Variants in KDM3A observed in about 807,000 individuals in gnomAD.
The protein encoded by KDM3A is lysine-specific demethylase 3A.
A neutral mutation model predicts 158.0 loss-of-function variants in KDM3A; 60 were observed. The observed-to-expected ratio is 0.38, with a 90% CI of 0.31 to 0.47. KDM3A has a LOEUF of 0.47. Among genes scored for constraint, KDM3A ranks in the 20% least tolerant of loss-of-function variants. KDM3A has a pLI of 0.99. For synonymous variants in KDM3A, 608 were observed against 549.3 expected, an observed-to-expected ratio of 1.11 and a Z score of -1.49; for missense variants, 1,319 against 1,574.3, an observed-to-expected ratio of 0.84 and a Z score of 2.74.
chr2:86,441,975 C>T, intron 1 of KDM3A, 43 bp from the exon 2 acceptor site: 1 of 1,552,062 alleles, frequency 6.4e-7, no homozygotes, highest in South Asian at 1.1e-5. Context: ...CGGCCCCCTC[C>T]CACCGGCCGC....
chr2:86,448,211 G>T (rs1401030622), intron 2 of KDM3A, among the ~76,000 whole-genome samples: 1 of 152,180 alleles, frequency 6.6e-6, no homozygotes, highest in Admixed American at 6.5e-5. Flanking sequence ...GGGAGGTTAG[G>T]GATGCATGTT....
At chr2:86,456,759 T>C (rs1672717743) in intron 6 of KDM3A, 46 bp from the exon 7 acceptor site, 1 of 1,491,066 alleles carries the variant, frequency 6.7e-7, no homozygotes, top group African/African-American at 1.4e-5. Context: ...AGTATGTTCT[T>C]GAGCATTTTT....
At chr2:86,456,390 T>C (rs1431842789) in intron 5 of KDM3A, 52 bp from the exon 6 acceptor site, 1 of 1,275,322 alleles carries the variant, frequency 7.8e-7, no homozygotes, top group Admixed American at 3.2e-5. Context: ...ATGTTGCTAT[T>C]GGGAGATAAT....
intron 5 of KDM3A, among the ~76,000 whole-genome samples, chr2:86,455,762 G>A (rs1440109159): frequency 6.6e-6 from 1 of 151,540 alleles, no homozygotes; most frequent in African/African-American, 2.4e-5. Flanking sequence ...ACCAGCTTGG[G>A]CAACACAGGG....
rs750753974 is a variant in KDM3A at position 86,489,674 on chromosome 2, G to A, written c.3573+15G>A. 1 of 1,604,280 alleles carries A rather than the reference G, an allele frequency of 6.2e-7. No homozygotes were observed. ...TTCTTAAAAAGGTGTGCTGCTTATG[G>A]CATGTGTGAACAGAGGCATAAGGAA... On this transcript the variant is annotated intron_variant, in intron 23 of 25. Coordinates refer to ENST00000312912, the MANE Select transcript of KDM3A (RefSeq NM_018433.6).
intron 21 of KDM3A, chr2:86,487,982 T>G (rs1458146205): frequency 1.7e-5 from 2 of 121,010 alleles, no homozygotes; most frequent in Non-Finnish European, 4.1e-5. Flanking sequence ...TTACTTTTCT[T>G]GCCAGCTCCA....
chr2:86,466,726 A>G lies in KDM3A; in HGVS notation c.1362A>G (p.Glu454=). 6.2e-7 allele frequency: 1 copy of G among 1,613,936 alleles called. No individual in the cohort carries two copies. The highest frequency in any genetic ancestry group is 2.2e-5 in the East Asian group (1 of 44,878). Residue 454 remains glutamate, a synonymous_variant, in exon 10 of 26, where the codon GAA becomes GAG. Coordinates refer to ENST00000312912, the MANE Select transcript of KDM3A (RefSeq NM_018433.6). ...CATCGGATGTTTCAAATGCACCAGA[A>G]GTGAAAGCAGGTGTCAATAGTGATA... The part of the protein sequence containing the change: ...PSPSDVSNAP[E]VKAGVNSDSP...
At chr2:86,475,859 T>G (rs1335732937) in intron 12 of KDM3A, among the ~76,000 whole-genome samples, 1 of 152,206 alleles carries the variant, frequency 6.6e-6, no homozygotes, top group Non-Finnish European at 1.5e-5. Context: ...TTTTGATTTA[T>G]TACCAGCAAC....
Position 86,478,182 on chromosome 2 carries a change from A to G in KDM3A, c.2105A>G (p.Lys702Arg). 9 of 1,614,104 alleles carry G rather than the reference A, an allele frequency of 5.6e-6. No homozygotes were observed. Among genetic ancestry groups the G allele is most frequent in the Admixed American group, 1.7e-5 (1 of 60,026 alleles). Residue 702 changes from lysine to arginine, a missense_variant, in exon 14 of 26, where the codon AAG becomes AGG. By Grantham distance (26) the Lys-to-Arg change is conservative. This residue lies in a region of KDM3A where 368 missense variants were observed against 415.8 expected (regional missense o/e 0.89). Coordinates refer to ENST00000312912, the MANE Select transcript of KDM3A (RefSeq NM_018433.6). ...RKNCQQGAAYKTFSWLKCVKS... is the reference protein window; with the variant it reads ...RKNCQQGAAYRTFSWLKCVKS... The stretch of plus-strand genomic sequence containing the variant: ...CAGTTATTTGCAGGTGCTGCTTACA[A>G]GACTTTCTCTTGGCTAAAATGTGTG...
At position 86,492,167 on chromosome 2, in the gene KDM3A, C is replaced by T; in HGVS notation, c.*48C>T. 7.3e-7 allele frequency: 1 copy of T among 1,373,708 alleles called. No homozygotes were observed. The highest frequency in any genetic ancestry group is 1.8e-4 in the Middle Eastern group (1 of 5,602). The allele number at this position is 1,373,708 out of a possible 1,614,324, so 85.1% of individuals were successfully genotyped here. On this transcript the variant is annotated 3_prime_UTR_variant, in exon 26 of 26. Coordinates refer to ENST00000312912, the MANE Select transcript of KDM3A (RefSeq NM_018433.6). ...ATTACAGGCAGCTGTTCAAACTCTTCAGGCAGGATTCCTGTGGACTTTGAG... is the reference window on the plus strand; with the variant it reads ...ATTACAGGCAGCTGTTCAAACTCTTTAGGCAGGATTCCTGTGGACTTTGAG...
At chr2:86,439,827 CT>C (rs1480253798), upstream of KDM3A, among the ~76,000 whole-genome samples, 4 of 152,148 alleles carry the variant, frequency 2.6e-5, no homozygotes, top group African/African-American at 9.6e-5. Flanking sequence ...TCTTTTGATA[CT>C]TTTAATTGTA....
At chr2:86,471,559 A>C (rs1336513586) in intron 11 of KDM3A, among the ~76,000 whole-genome samples, 2 of 152,130 alleles carry the variant, frequency 1.3e-5, no homozygotes, top group Admixed American at 6.5e-5. Context: ...GACTAACTCT[A>C]ATCATAAACA....
intron 2 of KDM3A, among the ~76,000 whole-genome samples, chr2:86,446,040 G>A (rs940484783): frequency 6.6e-6 from 1 of 152,208 alleles, no homozygotes; most frequent in African/African-American, 2.4e-5. Flanking sequence ...CAGGTGAGAT[G>A]AGAGTATGGT....
rs1673773340 is a variant in KDM3A, at chr2:86,478,575, T to C, written c.2189-33T>C. The C allele has an allele frequency of 1.9e-6, 3 of 1,610,964 alleles. No individual in the cohort carries two copies. In the South Asian group the frequency reaches 3.3e-5, roughly 18 times the overall value. On this transcript the variant is annotated intron_variant, in intron 14 of 25. Transcript: ENST00000312912. ...TTGAGGTTGAAAGTTCCTAATATCC[T>C]TGTTCAGATGTTTGCCTCTGCCCTT...
In KDM3A at chr2:86,482,044, C is replaced by T. The variant is rs770967552; in HGVS notation, c.2627C>T (p.Pro876Leu). Residue 876 changes from proline (P) to leucine (L), a missense_variant, in exon 17 of 26, where the codon CCC (proline) becomes CTC (leucine). Coordinates refer to ENST00000312912, the MANE Select transcript of KDM3A (RefSeq NM_018433.6). ...ACGTTTAACAGCACAATTTTGACAC[C>T]CGTAAGCAACAACAATTCTGGTTTC... The part of the protein sequence containing the change: ...LHTFNSTILT[P>L]VSNNNSGFLR... 1 of 1,614,052 alleles carries T rather than the reference C, an allele frequency of 6.2e-7. No homozygotes were observed. The highest frequency in any genetic ancestry group is 1.3e-5 in the African/African-American group (1 of 74,922).
At chr2:86,487,509 A>G (rs1674238065) in intron 21 of KDM3A, 1 of 152,136 alleles carries the variant, frequency 6.6e-6, no homozygotes, top group Non-Finnish European at 1.5e-5. Context: ...CATTTTGCAA[A>G]TGAGGACCAG....
At chr2:86,491,507 C>T (rs1463247951) in intron 25 of KDM3A, 1 of 521,834 alleles carries the variant, frequency 1.9e-6, no homozygotes, top group Non-Finnish European at 3.4e-6. Flanking sequence ...GGACTGTCCC[C>T]ACAGAGAAAG....
rs910032815 is a variant in KDM3A at position 86,466,291 on chromosome 2, G to C, written c.1008-81G>C. ...TTTCTTTCATACTCGTTACCTTAGG[G>C]AACCAAACAGTTTGTTTGGGGAAGA... On this transcript the variant is annotated intron_variant, in intron 9 of 25. Coordinates refer to ENST00000312912, the MANE Select transcript of KDM3A (RefSeq NM_018433.6). 6.5e-6 allele frequency: 9 copies of C among 1,384,548 alleles called. No individual in the cohort carries two copies. The African/African-American group carries it at 1.3e-4, about 20-fold the overall frequency. The allele number at this position is 1,384,548 out of a possible 1,614,324, so 85.8% of individuals were successfully genotyped here.
Position 86,446,232 on chromosome 2 carries a change from C to G in KDM3A, c.187-3575C>G, listed in dbSNP as rs570851411. ...TACCCATTAAAAGAAGAGCAGATTT[C>G]ACAATTATAGGTAGTGAATCATAGT... On this transcript the variant is annotated intron_variant, in intron 2 of 25. Transcript: ENST00000312912. Among the ~76,000 whole-genome samples the G allele has an allele frequency of 7.9e-5, 12 of 152,280 alleles. 1 individual carries two copies. Among genetic ancestry groups the G allele is most frequent in the Admixed American group, 7.2e-4 (11 of 15,290 alleles).
Sources: gnomAD v4.1 joint callset for allele counts (sites outside exome capture counted in the v4.1 genomes callset) on GRCh38, gnomAD v4.1.1 for gene constraint, gnomAD v4.1.1 regional missense constraint, MANE v1.5 for transcripts, NCBI Gene and HGNC (gene_info 2026-07-23, HGNC 2026-07-21) for gene names.